MARCHF1: variants seen among roughly 807,000 people sequenced by gnomAD.
MARCHF1 encodes the protein membrane associated ring-CH-type finger 1.
Under a neutral mutation model 54.2 loss-of-function variants are expected in MARCHF1, and 40 were observed. The ratio of observed to expected loss-of-function variants is 0.74; its 90% confidence interval spans 0.57 to 0.96. The LOEUF (loss-of-function observed/expected upper bound fraction) is 0.96. Ranked by LOEUF, MARCHF1 falls within the 40% of genes least tolerant of loss-of-function variation. The pLI is 0.00. For missense variants in MARCHF1, 586 were observed against 656.5 expected (o/e 0.89, Z 1.17); for synonymous variants, 236 against 236.3 (o/e 1.00, Z 0.01).
At chr4:164,139,690 A>C (rs1342324122) in intron 1 of MARCHF1, among the ~76,000 whole-genome samples, 7 of 152,216 alleles carry the variant, frequency 4.6e-5, no homozygotes, top group Non-Finnish European at 1.5e-5. Context: ...GCAGGAGTAG[A>C]AAATGTCTTT....
intron 2 of MARCHF1, among the ~76,000 whole-genome samples, chr4:164,107,052 A>G (rs1173165417): frequency 1.3e-5 from 2 of 152,194 alleles, no homozygotes; most frequent in African/African-American, 2.4e-5. Flanking sequence ...AAGGAGAAAA[A>G]TATTTCTCTT....
intron 1 of MARCHF1, among the ~76,000 whole-genome samples, chr4:164,240,736 T>A (rs939531678): frequency 6.6e-6 from 1 of 152,090 alleles, no homozygotes; most frequent in African/African-American, 2.4e-5. Flanking sequence ...AAACTGACTA[T>A]GGGAAAAATT....
chr4:163,761,253 T>C (rs1746818258), intron 4 of MARCHF1, among the ~76,000 whole-genome samples: 1 of 152,230 alleles, frequency 6.6e-6, no homozygotes, highest in Admixed American at 6.5e-5. Context: ...GAGAGATGTT[T>C]AAGCAGTTTC....
At chr4:163,680,143 A>C (rs1310912866) in intron 5 of MARCHF1, among the ~76,000 whole-genome samples, 1 of 152,142 alleles carries the variant, frequency 6.6e-6, no homozygotes, top group Non-Finnish European at 1.5e-5. Context: ...GATCTGGTCT[A>C]TACTTATTTC....
At chr4:163,877,149 G>A (rs72997294) in intron 3 of MARCHF1, among the ~76,000 whole-genome samples, 1,890 of 152,220 alleles carry the variant, frequency 0.012, 19 homozygotes, top group South Asian at 0.053. Context: ...AAATGATAAT[G>A]ACAGCATTAT....
At chr4:163,905,749 T>C (rs1451570590) in intron 3 of MARCHF1, among the ~76,000 whole-genome samples, 1 of 152,060 alleles carries the variant, frequency 6.6e-6, no homozygotes, top group African/African-American at 2.4e-5. Flanking sequence ...TGTCAGACTC[T>C]TAAGATAATC....
At chr4:163,879,595 TTGTG>T (rs1387586101) in intron 3 of MARCHF1, among the ~76,000 whole-genome samples, 1 of 152,210 alleles carries the variant, frequency 6.6e-6, no homozygotes, top group African/African-American at 2.4e-5. Flanking sequence ...GTGCACGTGC[TTGTG>T]TGTTACATAC....
At chr4:164,216,086 A>G (rs114506928) in intron 1 of MARCHF1, among the ~76,000 whole-genome samples, 3,159 of 152,318 alleles carry the variant, frequency 0.021, 48 homozygotes, top group Non-Finnish European at 0.034. Context: ...ATGTTTCCCA[A>G]TAATAGAACA....
chr4:164,305,801 G>A (rs1394108027), intron 1 of MARCHF1, among the ~76,000 whole-genome samples: 8 of 152,004 alleles, frequency 5.3e-5, no homozygotes, highest in African/African-American at 1.2e-4. Context: ...TGTTCCAGAC[G>A]AAGAATATGC....
At chr4:164,366,616 T>C (rs1730886785) in intron 1 of MARCHF1, among the ~76,000 whole-genome samples, 2 of 151,890 alleles carry the variant, frequency 1.3e-5, no homozygotes, top group African/African-American at 4.8e-5. Flanking sequence ...ATATTTTTGA[T>C]AAAGGAAAAA....
chr4:164,148,749 A>T (rs1192691306), intron 1 of MARCHF1, among the ~76,000 whole-genome samples: 1 of 152,184 alleles, frequency 6.6e-6, no homozygotes, highest in Non-Finnish European at 1.5e-5. Context: ...TTACTTTTTT[A>T]AAAGATTAAT....
intron 4 of MARCHF1, among the ~76,000 whole-genome samples, chr4:163,711,960 C>T (rs1414983531): frequency 6.6e-6 from 1 of 152,050 alleles, no homozygotes; most frequent in Non-Finnish European, 1.5e-5. Context: ...ACATTAATAT[C>T]TTAGAAAGTT....
intron 1 of MARCHF1, among the ~76,000 whole-genome samples, chr4:164,232,925 T>C (rs1732453442): frequency 6.6e-6 from 1 of 152,284 alleles, no homozygotes; most frequent in South Asian, 2.1e-4. Flanking sequence ...ACAGTGAACA[T>C]GAGTTTTTCT....
In MARCHF1 at chr4:163,978,297, C is replaced by T. The variant is rs114923611; in HGVS notation, c.-39+10204G>A. Among the ~76,000 whole-genome samples, 669 of 152,206 alleles carry T rather than the reference C, an allele frequency of 4.4e-3. 6 individuals carry two copies. The highest frequency in any genetic ancestry group is 0.015 in the African/African-American group (627 of 41,526). On this transcript the variant is annotated intron_variant, in intron 3 of 9. Transcript: ENST00000514618. Reference sequence around the variant, plus strand: ...AGTCATGCAACCTTAAATATTTTCTCATCACAATAGAAGGTATTAATTAAT... The same window carrying T: ...AGTCATGCAACCTTAAATATTTTCTTATCACAATAGAAGGTATTAATTAAT...
At chr4:164,128,581 C>T (rs1316770263) in intron 1 of MARCHF1, among the ~76,000 whole-genome samples, 1 of 151,968 alleles carries the variant, frequency 6.6e-6, no homozygotes, top group Non-Finnish European at 1.5e-5. Context: ...TATTTCTCAT[C>T]TATCAGGTTG....
In MARCHF1 at chr4:163,612,327, A is replaced by C; in HGVS notation, c.954T>G (p.Pro318=). 1 of 1,532,188 alleles carries C rather than the reference A, an allele frequency of 6.5e-7. No individual in the cohort carries two copies. The allele number at this position is 1,532,188 out of a possible 1,614,324, so 94.9% of individuals were successfully genotyped here. ...CATAGGTGGCAGGAGGCTTCTGAAC[A>C]GGGTTATTCACCTGGAGCCCTGCAT... The part of the protein sequence containing the change: ...MNDAGLQVNN[P]VQKPPATYDD... Residue 318 remains proline (P), a synonymous_variant, in exon 7 of 10, where the codon CCT becomes CCG. Transcript: ENST00000514618.
intron 1 of MARCHF1, among the ~76,000 whole-genome samples, chr4:164,334,164 T>C (rs913196102): frequency 1.3e-5 from 2 of 152,202 alleles, no homozygotes; most frequent in Non-Finnish European, 2.9e-5. Flanking sequence ...ATCCAGAATA[T>C]CTAGCTAAGG....
At chr4:164,236,540 G>T (rs1444222329) in intron 1 of MARCHF1, among the ~76,000 whole-genome samples, 1 of 152,010 alleles carries the variant, frequency 6.6e-6, no homozygotes, top group Non-Finnish European at 1.5e-5. Context: ...TAAATAGACT[G>T]CCAAAAACAT....
chr4:164,344,077 C>T (rs1730004607), intron 1 of MARCHF1, among the ~76,000 whole-genome samples: 1 of 152,098 alleles, frequency 6.6e-6, no homozygotes, highest in African/African-American at 2.4e-5. Context: ...CTTTGCACAG[C>T]ATGGATGGTG....
Sources: allele counts gnomAD v4.1 joint callset (sites outside exome capture counted in the v4.1 genomes callset), GRCh38; gene constraint gnomAD v4.1.1; transcripts MANE v1.5; gene names NCBI Gene and HGNC (gene_info 2026-07-23, HGNC 2026-07-21).